The following STARD9 variants were observed in gnomAD, a reference collection of about 807,000 sequenced individuals.
The protein encoded by STARD9 is StAR related lipid transfer domain containing 9, also known as stAR-related lipid transfer protein 9.
Under a neutral mutation model 399.8 loss-of-function variants are expected in STARD9, and 346 were observed. The ratio of observed to expected loss-of-function variants is 0.87; its 90% CI spans 0.79 to 0.95. The LOEUF (loss-of-function observed/expected upper bound fraction) is 0.95, where lower values mean the gene tolerates loss of function less well. STARD9 is among the 40% of genes least tolerant of loss of function. The pLI, the probability that STARD9 is intolerant of heterozygous loss-of-function variation, is 0.00. For synonymous variants in STARD9, 2,203 were observed against 2,143.5 expected, an observed-to-expected ratio of 1.03 and a Z score of -0.77; for missense variants, 5,832 against 5,667.5, an observed-to-expected ratio of 1.03 and a Z score of -0.93.
At chr15:42,667,830 G>C (rs753561722) in intron 15 of STARD9, among the ~76,000 whole-genome samples, 2 of 152,138 alleles carry the variant, frequency 1.3e-5, no homozygotes, top group Non-Finnish European at 2.9e-5. Flanking sequence ...CCAATATTCT[G>C]TTGCATCATC....
At chr15:42,579,493 C>T (rs144343572) in intron 1 of STARD9, among the ~76,000 whole-genome samples, 2,479 of 152,080 alleles carry the variant, frequency 0.016, 60 homozygotes, top group African/African-American at 0.055. Flanking sequence ...AGAGGAGTGA[C>T]AGATATTCTC....
rs763117725 is a variant in STARD9 at position 42,695,746 on chromosome 15, G to C, written c.13150G>C (p.Glu4384Gln). 1 of 1,536,814 alleles carries C rather than the reference G, an allele frequency of 6.5e-7. No individual in the cohort carries two copies. Among genetic ancestry groups the C allele is most frequent in the African/African-American group, 1.4e-5 (1 of 73,052 alleles). Residue 4384 changes from glutamate to glutamine, a missense_variant, in exon 26 of 33, where the codon GAG (glutamate) becomes CAG (glutamine). Physicochemically the swap from Glu to Gln is conservative, Grantham distance 29 (BLOSUM62 2). Transcript: ENST00000290607. ...QKIISQLLKE[E>Q]DKLHTLANSS... ...AATGGTGATTTGTCCTTCCCAGGAA[G>C]AGGATAAACTACATACCTTGGCCAA...
At chr15:42,699,392 C>CTTTTTCTTTTTTTTTTTTTTTTTTTT (rs2060912049) in intron 26 of STARD9, among the ~76,000 whole-genome samples, 1 of 113,280 alleles carries the variant, frequency 8.8e-6, no homozygotes, top group African/African-American at 4.1e-5. Context: ...TTTTTCTTTT[C>CTTTTTCTTTTTTTTTTTTTTTTTTTT]TTTTTTTTTT....
chr15:42,695,096 G>GTCAC (rs2060812615), intron 24 of STARD9, 44 bp from the exon 25 acceptor site: 2 of 1,464,950 alleles, frequency 1.4e-6, no homozygotes, highest in East Asian at 5.0e-5. Flanking sequence ...GACCAGGACT[G>GTCAC]TCACCCACCC....
At chr15:42,617,085 G>A (rs1227618171) in intron 3 of STARD9, among the ~76,000 whole-genome samples, 1 of 152,142 alleles carries the variant, frequency 6.6e-6, no homozygotes, top group Non-Finnish European at 1.5e-5. Context: ...TTCTAATGAA[G>A]TATTCATTGT....
At chr15:42,616,846 G>A (rs1230374993) in intron 3 of STARD9, among the ~76,000 whole-genome samples, 1 of 147,756 alleles carries the variant, frequency 6.8e-6, no homozygotes, top group African/African-American at 2.5e-5. Flanking sequence ...AGCTGAGATC[G>A]CGTCACTGCA....
intron 15 of STARD9, among the ~76,000 whole-genome samples, chr15:42,668,047 A>G (rs1210801939): frequency 1.3e-5 from 2 of 152,228 alleles, no homozygotes; most frequent in African/African-American, 4.8e-5. Context: ...GCATTCTTGC[A>G]TTATGCAGGC....
intron 3 of STARD9, among the ~76,000 whole-genome samples, chr15:42,607,789 C>T (rs376213279): frequency 1.3e-5 from 2 of 152,208 alleles, no homozygotes; most frequent in East Asian, 3.9e-4. Flanking sequence ...TTATTTACCC[C>T]CCTCTGATCA....
chr15:42,646,593 GTC>G lies in STARD9; in HGVS notation c.560-4419_560-4418del, dbSNP rs1404023184. ...GGAATCAGGGCTTTGCTCTGGATTA[GTC>G]TCTGGCTTAGGAGAATGTTGTGATG... On this transcript the variant is annotated intron_variant, in intron 7 of 32. Transcript: ENST00000290607. Among the ~76,000 whole-genome samples the G allele has an allele frequency of 2.6e-5, 4 of 152,228 alleles. No individual in the cohort carries two copies. The South Asian group carries it at 8.3e-4, about 31-fold the overall frequency.
At chr15:42,673,266 G>A (rs905202727) in intron 16 of STARD9, among the ~76,000 whole-genome samples, 3 of 152,024 alleles carry the variant, frequency 2.0e-5, no homozygotes, top group African/African-American at 7.3e-5. Flanking sequence ...GCTGGGCGTG[G>A]TGGCAGGCAC....
Position 42,663,871 on chromosome 15 carries a change from A to T in STARD9, c.1130A>T (p.Tyr377Phe). 6.5e-7 allele frequency: 1 copy of T among 1,537,060 alleles called. No homozygotes were observed. The highest frequency in any genetic ancestry group is 8.7e-7 in the Non-Finnish European group (1 of 1,146,720). The change falls in exon 13 of 33, where the codon TAT becomes TTT. Residue 377 changes from tyrosine (Y) to phenylalanine (F), a missense_variant. Physicochemically the swap from Tyr to Phe is conservative, Grantham distance 22 (BLOSUM62 3). Around this residue, in one of 2 missense-constraint regions of STARD9, gnomAD observed 5,828 missense variants for 5,651.1 expected, o/e 1.03. Transcript: ENST00000290607. ...AGTGAGACCATGAGCACACTGAGATATGCATCCAGTGCCAAAAACATTATC... is the reference window on the plus strand; with the variant it reads ...AGTGAGACCATGAGCACACTGAGATTTGCATCCAGTGCCAAAAACATTATC... ...SYSETMSTLRYASSAKNIINK... is the reference protein window; with the variant it reads ...SYSETMSTLRFASSAKNIINK...
chr15:42,690,714 A>C lies in STARD9; in HGVS notation c.9136A>C (p.Thr3046Pro), dbSNP rs143587129. The C allele has an allele frequency of 1.5e-5, 23 of 1,537,194 alleles. No individual in the cohort carries two copies. Among genetic ancestry groups the C allele is most frequent in the Non-Finnish European group, 2.0e-5 (23 of 1,146,896 alleles). ...AGAGAGCAGCACTTGTGAGCCTTCT[A>C]CTGTGGCTGCTGTCCTATCTCGAGC... ...LTESSTCEPS[T>P]VAAVLSRAQG... Residue 3046 changes from threonine (T) to proline (P), a missense_variant, in exon 23 of 33, where the codon ACT (threonine) becomes CCT (proline). By Grantham distance (38) the Thr-to-Pro change is conservative. Transcript: ENST00000290607.
At chr15:42,660,529 C>A (rs576108248) in intron 9 of STARD9, among the ~76,000 whole-genome samples, 13 of 149,826 alleles carry the variant, frequency 8.7e-5, no homozygotes, top group African/African-American at 3.2e-4. Context: ...CGTGCCATTG[C>A]ACTCCAGCCT....
rs547265807 is a variant in STARD9 at position 42,688,524 on chromosome 15, T to G, written c.6946T>G (p.Leu2316Val). The change falls in exon 23 of 33, where the codon TTA becomes GTA. Residue 2316 changes from leucine to valine, a missense_variant. By Grantham distance (32) the Leu-to-Val change is conservative (BLOSUM62 1). This residue lies in a region of STARD9 where 5,828 missense variants were observed against 5,651.1 expected (regional missense o/e 1.03). Coordinates refer to ENST00000290607, the MANE Select transcript of STARD9 (RefSeq NM_020759.3). ...TTTCAGGCAGGAAACTGTCAGCCCA[T>G]TACTAAGCCGGACAGAATTCTGTAC... ...TFFRQETVSP[L>V]LSRTEFCTAP... The G allele has an allele frequency of 2.6e-6, 4 of 1,537,900 alleles. No homozygotes were observed. The African/African-American group carries it at 4.1e-5, about 16-fold the overall frequency.
Position 42,684,624 on chromosome 15 carries a change from A to G in STARD9, c.3046A>G (p.Arg1016Gly), listed in dbSNP as rs2060506214. The change falls in exon 23 of 33, where the codon AGG (arginine) becomes GGG (glycine). Residue 1016 changes from arginine to glycine, a missense_variant. This residue lies in a region of STARD9 where 5,828 missense variants were observed against 5,651.1 expected (regional missense o/e 1.03). Transcript: ENST00000290607. ...SCNSLYPHGP[R>G]QTAGHGKAVK... Reference sequence around the variant, plus strand: ...CAATTCCTTGTATCCTCATGGACCCAGGCAGACTGCTGGGCACGGAAAGGC... The same window carrying G: ...CAATTCCTTGTATCCTCATGGACCCGGGCAGACTGCTGGGCACGGAAAGGC... The G allele has an allele frequency of 9.8e-6, 15 of 1,537,100 alleles. No individual in the cohort carries two copies. The highest frequency in any genetic ancestry group is 1.4e-5 in the African/African-American group (1 of 73,052).
At chr15:42,612,839 C>T (rs914496355) in intron 3 of STARD9, among the ~76,000 whole-genome samples, 9 of 151,964 alleles carry the variant, frequency 5.9e-5, no homozygotes, top group Admixed American at 1.3e-4. Flanking sequence ...CAAAAATTGG[C>T]AGGGTGTGGT....
chr15:42,691,579 C>G lies in STARD9; in HGVS notation c.10001C>G (p.Ser3334Cys), dbSNP rs2060704163. ...PQFSVVGSSR[S>C]LQELNLSVEP... Reference sequence around the variant, plus strand: ...TTCTCAGTTGTCGGCTCTTCTCGTTCTCTTCAGGAGCTGAACTTGAGTGTG... The same window carrying G: ...TTCTCAGTTGTCGGCTCTTCTCGTTGTCTTCAGGAGCTGAACTTGAGTGTG... The change falls in exon 23 of 33, where the codon TCT (serine) becomes TGT (cysteine). Residue 3334 changes from serine (S) to cysteine (C), a missense_variant. Transcript: ENST00000290607. The G allele has an allele frequency of 6.5e-7, 1 of 1,537,170 alleles. No individual in the cohort carries two copies. Among genetic ancestry groups the G allele is most frequent in the Admixed American group, 2.0e-5 (1 of 50,984 alleles).
At chr15:42,681,111 T>G (rs897778889) in intron 20 of STARD9, among the ~76,000 whole-genome samples, 1 of 152,236 alleles carries the variant, frequency 6.6e-6, no homozygotes, top group South Asian at 2.1e-4. Flanking sequence ...TGAATTTAGC[T>G]AAAATGTTTT....
In STARD9 at chr15:42,602,913, A is replaced by G. The variant is rs541295749; in HGVS notation, c.234+17276A>G. On this transcript the variant is annotated intron_variant, in intron 3 of 32. Transcript: ENST00000290607. ...GTGGAAAGTCTAGGGTTTTCCTTTC[A>G]GTTTAGTTCTGGGAAGTTGGCGTGA... Among the ~76,000 whole-genome samples the G allele has an allele frequency of 3.3e-5, 5 of 152,226 alleles. No individual in the cohort carries two copies. The South Asian group carries it at 1.0e-3, about 32-fold the overall frequency.
Sources: gnomAD v4.1 joint callset for allele counts (sites outside exome capture counted in the v4.1 genomes callset) on GRCh38, gnomAD v4.1.1 for gene constraint, gnomAD v4.1.1 regional missense constraint, MANE v1.5 for transcripts, NCBI Gene and HGNC (gene_info 2026-07-23, HGNC 2026-07-21) for gene names.